The following ERP27 variants were observed in gnomAD, a reference collection of about 807,000 sequenced individuals.
ERP27 encodes endoplasmic reticulum protein 27, also known as endoplasmic reticulum resident protein 27.
A neutral mutation model predicts 27.7 loss-of-function variants in ERP27; 23 were observed. The observed-to-expected ratio is 0.83, with a 90% CI of 0.60 to 1.18. The LOEUF (loss-of-function observed/expected upper bound fraction) is 1.18. Ranked by LOEUF, ERP27 falls within the 50% of genes most tolerant of loss-of-function variation. The probability of loss-of-function intolerance (pLI) is 0.00; values close to 1 mark genes in which losing one functional copy is unlikely to be tolerated. For synonymous variants in ERP27, 159 were observed against 118.3 expected, an observed-to-expected ratio of 1.34 and a Z score of -2.23; for missense variants, 363 against 327.9, an observed-to-expected ratio of 1.11 and a Z score of -0.83.
chr12:14,927,024 C>T (rs2445372), intron 3 of ERP27, among the ~76,000 whole-genome samples: 199 of 152,140 alleles, frequency 1.3e-3, no homozygotes, highest in African/African-American at 4.4e-3. Flanking sequence ...TTTTTGAAGG[C>T]TGTTTTTGCT....
intron 2 of ERP27, among the ~76,000 whole-genome samples, chr12:14,936,949 T>C (rs776056239): frequency 9.2e-5 from 14 of 152,200 alleles, no homozygotes; most frequent in Admixed American, 1.3e-4. Flanking sequence ...AGCTGGTATC[T>C]ACTCTTCTAG....
At chr12:14,923,073 CAAA>C (rs34941606) in intron 3 of ERP27, among the ~76,000 whole-genome samples, 2,562 of 126,740 alleles carry the variant, frequency 0.02, 50 homozygotes, top group African/African-American at 0.05. Flanking sequence ...AACTCTGTCT[CAAA>C]AAAAAAAAAA....
intron 2 of ERP27, among the ~76,000 whole-genome samples, chr12:14,937,581 T>C (rs1290435558): frequency 6.6e-6 from 1 of 152,190 alleles, no homozygotes; most frequent in South Asian, 2.1e-4. Flanking sequence ...ATAAATTGGG[T>C]TCACTCTGGC....
intron 3 of ERP27, among the ~76,000 whole-genome samples, chr12:14,925,176 T>C (rs534378246): frequency 1.3e-5 from 2 of 152,228 alleles, no homozygotes; most frequent in Non-Finnish European, 2.9e-5. Context: ...CTGAATTCTT[T>C]CTTTCGCAAG....
intron 3 of ERP27, among the ~76,000 whole-genome samples, chr12:14,931,203 A>G (rs917343179): frequency 1.3e-5 from 2 of 152,188 alleles, no homozygotes; most frequent in African/African-American, 4.8e-5. Context: ...ACTTCATCAG[A>G]TTCTTGTGTG....
At chr12:14,930,954 G>GA (rs911377785) in intron 3 of ERP27, among the ~76,000 whole-genome samples, 1 of 152,002 alleles carries the variant, frequency 6.6e-6, no homozygotes, top group Non-Finnish European at 1.5e-5. Flanking sequence ...ATAGTTGAAA[G>GA]AAAAAAAGTA....
At chr12:14,923,496 T>TATCTATCA (rs1168206129) in intron 3 of ERP27, among the ~76,000 whole-genome samples, 1 of 135,536 alleles carries the variant, frequency 7.4e-6, no homozygotes, top group Non-Finnish European at 1.6e-5. Context: ...ATAATCAATC[T>TATCTATCA]ATCTATCTAT....
At chr12:14,935,276 C>T in intron 2 of ERP27, 1 of 411,682 alleles carries the variant, frequency 2.4e-6, no homozygotes, top group Non-Finnish European at 3.3e-6. Context: ...TGAGAGAGGC[C>T]TCAAAATCAT....
In ERP27 at chr12:14,938,016, G is replaced by C. The variant is rs767231700; in HGVS notation, c.131C>G (p.Thr44Arg). The C allele has an allele frequency of 1.9e-6, 3 of 1,614,146 alleles. No homozygotes were observed. The highest frequency in any genetic ancestry group is 1.7e-6 in the Non-Finnish European group (2 of 1,179,986). Residue 44 changes from threonine to arginine, a missense_variant, in exon 2 of 7, where the codon ACA becomes AGA. Transcript: ENST00000266397. ...PGAAQEPTWL[T>R]DVPAAMEFIA... is the part of the protein sequence containing the mutation. ...GAATTCCATGGCAGCTGGGACATCTGTGAGCCACGTGGGTTCCTGGGCAGC... is the reference window on the plus strand; with the variant it reads ...GAATTCCATGGCAGCTGGGACATCTCTGAGCCACGTGGGTTCCTGGGCAGC...
chr12:14,928,065 A>G (rs1364994935), intron 3 of ERP27, among the ~76,000 whole-genome samples: 1 of 152,168 alleles, frequency 6.6e-6, no homozygotes, highest in Non-Finnish European at 1.5e-5. Context: ...CTCCTGAACA[A>G]TTTTGTCCAT....
At chr12:14,933,151 C>G (rs1223496630) in intron 3 of ERP27, among the ~76,000 whole-genome samples, 3 of 152,186 alleles carry the variant, frequency 2.0e-5, no homozygotes, top group African/African-American at 7.2e-5. Flanking sequence ...ACCTACTGCA[C>G]AGCAGGCACT....
At chr12:14,915,447 TAGAA>T in intron 6 of ERP27, 38 bp downstream of exon 6, 2 of 1,592,330 alleles carry the variant, frequency 1.3e-6, no homozygotes, top group Non-Finnish European at 1.7e-6. Context: ...AAAAGGGACA[TAGAA>T]AGAAAACAAT....
At position 14,915,876 on chromosome 12, in the gene ERP27, G is replaced by A. The variant is rs1191987313; in HGVS notation, c.577-190C>T. ...AAATCATGTCTTTTGTGGGAACGTG[G>A]ATGGGGCTGGAGGCTATTATCCTTA... On this transcript the variant is annotated intron_variant, in intron 5 of 6. Transcript: ENST00000266397. The A allele has an allele frequency of 5.0e-6, 3 of 598,596 alleles. No homozygotes were observed. The African/African-American group carries it at 5.6e-5, about 11-fold the overall frequency. 37.1% of individuals were successfully genotyped at this position (598,596 alleles called of 1,614,324 possible).
chr12:14,918,259 T>G (rs934688678), intron 4 of ERP27, among the ~76,000 whole-genome samples: 5 of 152,210 alleles, frequency 3.3e-5, no homozygotes, highest in African/African-American at 1.2e-4. Context: ...ATCATCAGGA[T>G]GGACTGCCTC....
intron 3 of ERP27, among the ~76,000 whole-genome samples, chr12:14,923,492 A>AATCTATCT (rs61662382): frequency 0.074 from 10,501 of 141,138 alleles, 467 homozygotes; most frequent in Non-Finnish European, 0.098. Context: ...ATCTATAATC[A>AATCTATCT]ATCTATCTAT....
Position 14,915,662 on chromosome 12 carries a change from C to T in ERP27, c.601G>A (p.Gly201Ser). The change falls in exon 6 of 7, where the codon GGT becomes AGT. Residue 201 changes from glycine to serine, a missense_variant. Physicochemically the swap from Gly to Ser is moderately conservative, Grantham distance 56. Transcript: ENST00000266397. The stretch of plus-strand genomic sequence containing the variant: ...ATCACCTTCCCATTTTCTTTCATAC[C>T]ACTGTCCACCAGAATAAAGAGAATC... The part of the protein sequence containing the change: ...GKILFILVDS[G>S]MKENGKVISF... 6.2e-7 allele frequency: 1 copy of T among 1,614,016 alleles called. No individual in the cohort carries two copies. Among genetic ancestry groups the T allele is most frequent in the Non-Finnish European group, 8.5e-7 (1 of 1,179,908 alleles).
At chr12:14,920,570 C>G (rs1362675622) in intron 4 of ERP27, among the ~76,000 whole-genome samples, 2 of 152,156 alleles carry the variant, frequency 1.3e-5, no homozygotes, top group African/African-American at 4.8e-5. Context: ...CAAGGTCTCG[C>G]TATGTTGCCC....
chr12:14,930,700 A>C (rs1863685061), intron 3 of ERP27, among the ~76,000 whole-genome samples: 1 of 152,204 alleles, frequency 6.6e-6, no homozygotes, highest in East Asian at 1.9e-4. Flanking sequence ...TTTTTGGAGA[A>C]TATTATGTTG....
intron 5 of ERP27, chr12:14,915,930 A>C: frequency 2.5e-6 from 1 of 407,912 alleles, no homozygotes; most frequent in Non-Finnish European, 4.4e-6. Flanking sequence ...AGAAAACCAA[A>C]TATCACATGT....
Sources: gnomAD v4.1 joint callset for allele counts (sites outside exome capture counted in the v4.1 genomes callset) on GRCh38, gnomAD v4.1.1 for gene constraint, MANE v1.5 for transcripts, NCBI Gene and HGNC (gene_info 2026-07-23, HGNC 2026-07-21) for gene names.